Variants in DNAAF1 observed in about 807,000 individuals in gnomAD.
DNAAF1 encodes the protein dynein axonemal assembly factor 1.
DNAAF1 carries 65 observed loss-of-function variants against 71.1 expected under a neutral mutation model. The ratio of observed to expected loss-of-function variants is 0.91; its 90% CI spans 0.75 to 1.12. The LOEUF (loss-of-function observed/expected upper bound fraction) is 1.12, where lower values mean the gene tolerates loss of function less well. Ranked by LOEUF, DNAAF1 falls within the 50% of genes most tolerant of loss-of-function variation. The pLI is 0.00. For missense variants in DNAAF1, 1,178 were observed against 899.8 expected, an observed-to-expected ratio of 1.31 and a Z score of -3.96; for synonymous variants, 414 against 354.6, an observed-to-expected ratio of 1.17 and a Z score of -1.88.
chr16:84,168,787 G>C (rs1039303128), intron 7 of DNAAF1, among the ~76,000 whole-genome samples: 1 of 149,922 alleles, frequency 6.7e-6, no homozygotes, highest in African/African-American at 2.5e-5. Flanking sequence ...TTTATTAATA[G>C]ATTCTGTGGT....
Position 84,154,575 on chromosome 16 carries a change from A to T in DNAAF1, c.353-2A>T. ...AATTCCCACGTGCTTCCTTTTTGTT[A>T]GGTTTTGATCGCATTGAGAACCTGG... is the stretch of plus-strand genomic sequence containing the variant. On this transcript the variant is annotated splice_acceptor_variant, in intron 3 of 11. Transcript: ENST00000378553. LOFTEE classifies it high-confidence loss of function. The T allele has an allele frequency of 1.9e-6, 3 of 1,613,848 alleles. No individual in the cohort carries two copies. The highest frequency in any genetic ancestry group is 2.5e-6 in the Non-Finnish European group (3 of 1,179,916).
Position 84,154,707 on chromosome 16 carries a change from C to G in DNAAF1, c.483C>G (p.Asn161Lys). 1.2e-6 allele frequency: 2 copies of G among 1,614,150 alleles called. No homozygotes were observed. Among genetic ancestry groups the G allele is most frequent in the Non-Finnish European group, 1.7e-6 (2 of 1,180,008 alleles). ...TGCGTTGCCTCTTCTTGCAAATGAA[C>G]TTGCTCCGTAAAATTGAGAACCTGG... ...TELRCLFLQM[N>K]LLRKIENLEP... Residue 161 changes from asparagine to lysine, a missense_variant, in exon 4 of 12, where the codon AAC (asparagine) becomes AAG (lysine). Coordinates refer to ENST00000378553, the MANE Select transcript of DNAAF1 (RefSeq NM_178452.6).
chr16:84,167,519 G>T (rs533422850), intron 7 of DNAAF1, among the ~76,000 whole-genome samples: 2 of 152,100 alleles, frequency 1.3e-5, no homozygotes, highest in Non-Finnish European at 2.9e-5. Flanking sequence ...CGCCCCATTC[G>T]AACAAAAGAT....
At chr16:84,154,053 G>A (rs574005389) in intron 3 of DNAAF1, among the ~76,000 whole-genome samples, 1 of 152,162 alleles carries the variant, frequency 6.6e-6, no homozygotes, top group Non-Finnish European at 1.5e-5. Flanking sequence ...AGAGCCGTTG[G>A]GTGATATTAG....
At chr16:84,159,211 G>C in intron 5 of DNAAF1, 3 of 1,036,496 alleles carry the variant, frequency 2.9e-6, no homozygotes, top group Non-Finnish European at 3.5e-6. Flanking sequence ...ACTCAGCAGA[G>C]GTAAGCGGGC....
At position 84,170,015 on chromosome 16, in the gene DNAAF1, GAGA is replaced by G; in HGVS notation, c.1188_1190del (p.Glu398del). ...GAGCTCTGCCCGGAAAAGCCAAGTG[GAGA>G]GGAGCCGCCTGTGGAGGCTAAAAGA... On this transcript the variant is annotated inframe_deletion, in exon 8 of 12. Coordinates refer to ENST00000378553, the MANE Select transcript of DNAAF1 (RefSeq NM_178452.6). 1 of 1,613,878 alleles carries G rather than the reference GAGA, an allele frequency of 6.2e-7. No homozygotes were observed. The highest frequency in any genetic ancestry group is 8.5e-7 in the Non-Finnish European group (1 of 1,180,022).
intron 10 of DNAAF1, chr16:84,174,940 C>A: frequency 1.9e-6 from 1 of 537,838 alleles, no homozygotes; most frequent in South Asian, 1.9e-5. Flanking sequence ...ACTGCAACCT[C>A]CACCTCCTGG....
chr16:84,156,851 C>CTTTTTTT lies in DNAAF1; in HGVS notation c.741+1115_741+1121dup, dbSNP rs778916785. ...TTCCTTTCCTTTTCTTTCTTTCTTTCTTTTTTTTTTTTTTTTTTTGAGACA... is the reference window on the plus strand; with the variant it reads ...TTCCTTTCCTTTTCTTTCTTTCTTTCTTTTTTTTTTTTTTTTTTTTTTTTTTGAGACA... On this transcript the variant is annotated intron_variant, in intron 5 of 11. Coordinates refer to ENST00000378553, the MANE Select transcript of DNAAF1 (RefSeq NM_178452.6). Among the ~76,000 whole-genome samples, 550 of 111,794 alleles carry CTTTTTTT rather than the reference C, an allele frequency of 4.9e-3. 12 individuals are homozygous for CTTTTTTT. The highest frequency in any genetic ancestry group is 0.018 in the African/African-American group (510 of 27,744). 73.3% of individuals were successfully genotyped at this position (111,794 alleles called of 152,430 possible).
chr16:84,155,563 C>T lies in DNAAF1; in HGVS notation c.575-20C>T, dbSNP rs769567926. 4 of 1,613,922 alleles carry T rather than the reference C, an allele frequency of 2.5e-6. No individual in the cohort carries two copies. The Admixed American group carries it at 5.0e-5, about 20-fold the overall frequency. On this transcript the variant is annotated intron_variant, in intron 4 of 11. Coordinates refer to ENST00000378553, the MANE Select transcript of DNAAF1 (RefSeq NM_178452.6). ...ATTTTTATGCCTTTGTTTTTGACTTCTGCTGACCTTACCTTCCAGCCTGCC... is the reference window on the plus strand; with the variant it reads ...ATTTTTATGCCTTTGTTTTTGACTTTTGCTGACCTTACCTTCCAGCCTGCC...
intron 7 of DNAAF1, among the ~76,000 whole-genome samples, chr16:84,168,701 T>G (rs774455014): frequency 6.6e-6 from 1 of 152,172 alleles, no homozygotes; most frequent in Non-Finnish European, 1.5e-5. Context: ...TGTCTTTTCC[T>G]AACTTTTTGT....
At chr16:84,171,246 G>T (rs1373486135) in intron 8 of DNAAF1, among the ~76,000 whole-genome samples, 4 of 152,126 alleles carry the variant, frequency 2.6e-5, no homozygotes, top group African/African-American at 4.8e-5. Flanking sequence ...GACCAGCCTG[G>T]CCAACATAGT....
At chr16:84,162,821 A>G (rs2087777954) in intron 6 of DNAAF1, among the ~76,000 whole-genome samples, 1 of 151,972 alleles carries the variant, frequency 6.6e-6, no homozygotes, top group Non-Finnish European at 1.5e-5. Context: ...TGTCTCAAAA[A>G]AACAAAAAAA....
intron 10 of DNAAF1, chr16:84,175,714 A>G (rs995120247): frequency 5.1e-6 from 3 of 583,262 alleles, no homozygotes; most frequent in East Asian, 3.0e-5. Context: ...TGGCTGGGGG[A>G]GCAGAGGGCA....
In DNAAF1 at chr16:84,170,345, C is replaced by G; in HGVS notation, c.1517C>G (p.Ala506Gly). 1 of 1,613,828 alleles carries G rather than the reference C, an allele frequency of 6.2e-7. No homozygotes were observed. The highest frequency in any genetic ancestry group is 1.6e-4 in the Middle Eastern group (1 of 6,062). Reference protein sequence around the residue: ...AEAPPPPPLGAAREEPTPQAV... With the variant: ...AEAPPPPPLGGAREEPTPQAV... The stretch of plus-strand genomic sequence containing the variant: ...GCCCCACCACCACCGCCCCTGGGAG[C>G]TGCCAGGGAAGGTAATGTGAGCGGA... The change falls in exon 8 of 12, where the codon GCT becomes GGT. Residue 506 changes from alanine to glycine, a missense_variant. By Grantham distance (60) the Ala-to-Gly change is moderately conservative. Coordinates refer to ENST00000378553, the MANE Select transcript of DNAAF1 (RefSeq NM_178452.6).
chr16:84,154,090 T>A lies in DNAAF1; in HGVS notation c.353-487T>A, dbSNP rs375008423. On this transcript the variant is annotated intron_variant, in intron 3 of 11. Coordinates refer to ENST00000378553, the MANE Select transcript of DNAAF1 (RefSeq NM_178452.6). ...AAAAGGATGGTTCCTCCAAGAAAAG[T>A]TGCTACTGGAGGAAGGAGGTGTGGA... Among the ~76,000 whole-genome samples, 187 of 152,188 alleles carry A rather than the reference T, an allele frequency of 1.2e-3. 5 individuals are homozygous for A. The South Asian group carries it at 0.036, about 29-fold the overall frequency.
At chr16:84,175,401 A>T (rs114472191) in intron 10 of DNAAF1, 3,552 of 186,052 alleles carry the variant, frequency 0.019, 117 homozygotes, top group African/African-American at 0.08. Flanking sequence ...TGAGTCTGTG[A>T]GGCACAATGG....
intron 7 of DNAAF1, among the ~76,000 whole-genome samples, chr16:84,168,724 A>C (rs1454001474): frequency 6.6e-6 from 1 of 152,168 alleles, no homozygotes; most frequent in African/African-American, 2.4e-5. Context: ...TGAAATGTTA[A>C]AAATTTTCAG....
At chr16:84,168,886 T>C (rs2088170965) in intron 7 of DNAAF1, among the ~76,000 whole-genome samples, 2 of 148,100 alleles carry the variant, frequency 1.4e-5, no homozygotes, top group South Asian at 4.3e-4. Context: ...CATTTGAAGA[T>C]AAAGGCAAAC....
intron 1 of DNAAF1, among the ~76,000 whole-genome samples, chr16:84,147,345 A>G (rs950527288): frequency 6.6e-6 from 1 of 152,218 alleles, no homozygotes; most frequent in Non-Finnish European, 1.5e-5. Context: ...CTTGTTCAAT[A>G]GACCACACAA....
Sources: gnomAD v4.1 joint callset for allele counts (sites outside exome capture counted in the v4.1 genomes callset) on GRCh38, gnomAD v4.1.1 for gene constraint, MANE v1.5 for transcripts, NCBI Gene and HGNC (gene_info 2026-07-23, HGNC 2026-07-21) for gene names.